The following ATRNL1 variants were observed in gnomAD, a reference collection of about 807,000 sequenced individuals.
ATRNL1 encodes the protein attractin-like protein 1.
A neutral mutation model predicts 182.7 loss-of-function variants in ATRNL1; 95 were observed. The observed-to-expected ratio is 0.52, with a 90% confidence interval of 0.44 to 0.62. The LOEUF (loss-of-function observed/expected upper bound fraction) is 0.62, where lower values mean the gene tolerates loss of function less well. Among genes scored for constraint, ATRNL1 ranks in the 20% least tolerant of loss-of-function variants. ATRNL1 has a pLI of 0.00. For missense variants in ATRNL1, 1,471 were observed against 1,679.5 expected (o/e 0.88, Z 2.17); for synonymous variants, 576 against 568.3 (o/e 1.01, Z -0.19).
intron 19 of ATRNL1, among the ~76,000 whole-genome samples, chr10:115,380,594 T>C (rs1857943629): frequency 6.6e-6 from 1 of 152,184 alleles, no homozygotes; most frequent in African/African-American, 2.4e-5. Flanking sequence ...ATAGGTTTTA[T>C]TCTTCTGGAA....
chr10:115,819,502 G>A (rs1219374375), intron 27 of ATRNL1, among the ~76,000 whole-genome samples: 1 of 152,004 alleles, frequency 6.6e-6, no homozygotes, highest in Non-Finnish European at 1.5e-5. Context: ...CTCACCGCTA[G>A]CATGAGTTGT....
chr10:115,476,021 T>C (rs1005418587), intron 24 of ATRNL1, among the ~76,000 whole-genome samples: 2 of 151,362 alleles, frequency 1.3e-5, no homozygotes, highest in Non-Finnish European at 3.0e-5. Flanking sequence ...ATCGTTGATT[T>C]TAGAACTTTT....
intron 19 of ATRNL1, among the ~76,000 whole-genome samples, chr10:115,356,118 C>CT (rs1421902721): frequency 1.3e-5 from 2 of 152,074 alleles, no homozygotes; most frequent in African/African-American, 2.4e-5. Flanking sequence ...GATGAATTAC[C>CT]TTTTTTTCTC....
At chr10:115,533,389 T>A (rs1209095562) in intron 25 of ATRNL1, among the ~76,000 whole-genome samples, 1 of 151,898 alleles carries the variant, frequency 6.6e-6, no homozygotes, top group African/African-American at 2.4e-5. Flanking sequence ...TTTATTTGCG[T>A]AGAGGTGTTT....
Position 115,945,810 on chromosome 10 carries a change from A to G in ATRNL1, c.*1031A>G, listed in dbSNP as rs1953864567. ...TCCTGCCAACTGTTCCACCTAGAAT[A>G]CAAGTAGAGAAGAGCACTGGCTGGC... On this transcript the variant is annotated 3_prime_UTR_variant, in exon 29 of 29. Coordinates refer to ENST00000355044, the MANE Select transcript of ATRNL1 (RefSeq NM_207303.4). The G allele has an allele frequency of 6.6e-6, 1 of 152,168 alleles. No homozygotes were observed. Among genetic ancestry groups the G allele is most frequent in the African/African-American group, 2.4e-5 (1 of 41,434 alleles). 9.4% of individuals were successfully genotyped at this position (152,168 alleles called of 1,614,324 possible). A position where few individuals can be genotyped will look rare whatever the true frequency, so the allele number is the denominator to read the frequency against.
At chr10:115,814,415 A>G (rs1950115506) in intron 27 of ATRNL1, among the ~76,000 whole-genome samples, 1 of 152,184 alleles carries the variant, frequency 6.6e-6, no homozygotes, top group African/African-American at 2.4e-5. Context: ...TCCTTTAATA[A>G]TAATACTTTT....
intron 20 of ATRNL1, among the ~76,000 whole-genome samples, chr10:115,410,209 T>G (rs1490862536): frequency 6.6e-6 from 1 of 152,106 alleles, no homozygotes; most frequent in Non-Finnish European, 1.5e-5. Context: ...CCTTATCTGG[T>G]TTTGGTATCA....
chr10:115,772,599 G>A (rs1214443027), intron 27 of ATRNL1, among the ~76,000 whole-genome samples: 1 of 125,822 alleles, frequency 7.9e-6, no homozygotes, highest in Non-Finnish European at 1.7e-5. Flanking sequence ...TACTCTGTCT[G>A]TGTGTGTGTG....
chr10:115,550,779 A>C (rs570690884), intron 26 of ATRNL1, among the ~76,000 whole-genome samples: 4 of 151,820 alleles, frequency 2.6e-5, no homozygotes, highest in African/African-American at 9.7e-5. Context: ...TAGATTCAGG[A>C]AGGAAAAATC....
At chr10:115,349,446 T>A (rs1244951770) in intron 19 of ATRNL1, among the ~76,000 whole-genome samples, 6 of 152,238 alleles carry the variant, frequency 3.9e-5, no homozygotes, top group Admixed American at 3.3e-4. Flanking sequence ...TTCTTTGATA[T>A]ACTGATTTTC....
At chr10:115,306,032 T>C (rs1031454153) in intron 17 of ATRNL1, among the ~76,000 whole-genome samples, 1 of 152,206 alleles carries the variant, frequency 6.6e-6, no homozygotes, top group African/African-American at 2.4e-5. Context: ...TAAGCTCTTA[T>C]ACTCTTAACA....
At chr10:115,771,674 G>T (rs1186434784) in intron 27 of ATRNL1, among the ~76,000 whole-genome samples, 1 of 152,084 alleles carries the variant, frequency 6.6e-6, no homozygotes, top group Admixed American at 6.5e-5. Context: ...CCTTCCTTGA[G>T]AACGCTTTCA....
intron 17 of ATRNL1, among the ~76,000 whole-genome samples, chr10:115,309,591 G>A (rs782423777): frequency 6.6e-6 from 1 of 152,072 alleles, no homozygotes; most frequent in Non-Finnish European, 1.5e-5. Context: ...TTGGTGTATA[G>A]CAGTGCTACT....
chr10:115,736,841 C>T (rs1217204773), intron 27 of ATRNL1, among the ~76,000 whole-genome samples: 1 of 152,120 alleles, frequency 6.6e-6, no homozygotes, highest in Admixed American at 6.6e-5. Context: ...GATCTCAGCT[C>T]ACTACAACCT....
At chr10:115,169,202 A>G (rs1349746344) in intron 7 of ATRNL1, among the ~76,000 whole-genome samples, 2 of 134,516 alleles carry the variant, frequency 1.5e-5, no homozygotes, top group East Asian at 4.3e-4. Context: ...CTCTGTTTTG[A>G]TTACTTTTTT....
intron 8 of ATRNL1, among the ~76,000 whole-genome samples, chr10:115,206,057 TCA>T (rs1848782968): frequency 1.3e-5 from 2 of 152,134 alleles, no homozygotes; most frequent in Non-Finnish European, 1.5e-5. Flanking sequence ...CGTCTTTATT[TCA>T]CACTTATCCG....
chr10:115,718,571 T>G (rs186791550), intron 26 of ATRNL1, among the ~76,000 whole-genome samples: 1 of 152,332 alleles, frequency 6.6e-6, no homozygotes, highest in East Asian at 1.9e-4. Flanking sequence ...AGCACAGTTT[T>G]TAAGACTCTC....
chr10:115,775,186 T>G (rs1949092795), intron 27 of ATRNL1, among the ~76,000 whole-genome samples: 2 of 152,184 alleles, frequency 1.3e-5, no homozygotes, highest in Admixed American at 6.5e-5. Context: ...CCCCGAATGA[T>G]CCCTTCTAAA....
intron 27 of ATRNL1, among the ~76,000 whole-genome samples, chr10:115,819,552 T>A (rs1950244325): frequency 6.6e-6 from 1 of 152,084 alleles, no homozygotes; most frequent in African/African-American, 2.4e-5. Flanking sequence ...ACCACCAAAT[T>A]CTCTCACCAA....
Sources: gnomAD v4.1 joint callset for allele counts (sites outside exome capture counted in the v4.1 genomes callset) on GRCh38, gnomAD v4.1.1 for gene constraint, MANE v1.5 for transcripts, NCBI Gene and HGNC (gene_info 2026-07-23, HGNC 2026-07-21) for gene names.